Variants in NLGN1 observed in about 807,000 individuals in gnomAD.
NLGN1 encodes the protein neuroligin 1, also known as neuroligin-1.
NLGN1 carries 12 observed loss-of-function variants against 65.5 expected under a neutral mutation model. The observed-to-expected ratio is 0.18, with a 90% CI of 0.12 to 0.30. The LOEUF (loss-of-function observed/expected upper bound fraction) is 0.30, where lower values mean the gene tolerates loss of function less well. NLGN1 is among the 10% of genes least tolerant of loss of function. NLGN1 has a pLI of 1.00. For missense variants in NLGN1, 750 were observed against 1,007.1 expected (o/e 0.74, Z 3.46); for synonymous variants, 350 against 359.5 (o/e 0.97, Z 0.30).
intron 4 of NLGN1, among the ~76,000 whole-genome samples, chr3:174,156,259 A>T (rs1475065953): frequency 2.0e-5 from 3 of 151,932 alleles, no homozygotes; most frequent in Non-Finnish European, 1.5e-5. Flanking sequence ...ATACTATAGT[A>T]AATGTTTTTA....
intron 2 of NLGN1, among the ~76,000 whole-genome samples, chr3:173,556,048 T>C (rs1741654435): frequency 6.6e-6 from 1 of 152,218 alleles, no homozygotes; most frequent in Non-Finnish European, 1.5e-5. Context: ...TATTAACAGT[T>C]TGTCTGCTTC....
At chr3:174,167,350 T>C (rs1727686472) in intron 4 of NLGN1, among the ~76,000 whole-genome samples, 1 of 152,166 alleles carries the variant, frequency 6.6e-6, no homozygotes, top group South Asian at 2.1e-4. Flanking sequence ...TTTGTATGTT[T>C]AGAACCCCCT....
intron 2 of NLGN1, among the ~76,000 whole-genome samples, chr3:173,570,243 A>G (rs1744427152): frequency 6.6e-6 from 1 of 152,314 alleles, no homozygotes; most frequent in Admixed American, 6.5e-5. Flanking sequence ...AGGGCATCCA[A>G]AAGGAAAGCC....
chr3:173,800,594 T>G (rs916294172), intron 3 of NLGN1, among the ~76,000 whole-genome samples: 1 of 151,794 alleles, frequency 6.6e-6, no homozygotes. Context: ...GGGGCATTTT[T>G]TTTTTGTTTT....
chr3:173,492,083 C>T (rs1280232394), intron 2 of NLGN1, among the ~76,000 whole-genome samples: 1 of 151,788 alleles, frequency 6.6e-6, no homozygotes, highest in Non-Finnish European at 1.5e-5. Context: ...ATTTACACCT[C>T]TGGGTTTACT....
chr3:173,553,369 T>C (rs1741198299), intron 2 of NLGN1, among the ~76,000 whole-genome samples: 1 of 152,362 alleles, frequency 6.6e-6, no homozygotes, highest in South Asian at 2.1e-4. Flanking sequence ...TTACTCTTTA[T>C]AGACCCAGAG....
chr3:173,448,979 G>C (rs1240615368), intron 2 of NLGN1, among the ~76,000 whole-genome samples: 1 of 152,008 alleles, frequency 6.6e-6, no homozygotes, highest in Non-Finnish European at 1.5e-5. Context: ...CTTGCCAGCG[G>C]TCTATCAATT....
intron 2 of NLGN1, among the ~76,000 whole-genome samples, chr3:173,435,951 T>G (rs1412602518): frequency 1.3e-5 from 2 of 152,224 alleles, no homozygotes; most frequent in Non-Finnish European, 2.9e-5. Flanking sequence ...AAATAATGGC[T>G]TTTGGGTCAG....
At chr3:173,982,920 A>G (rs1719083660) in intron 4 of NLGN1, among the ~76,000 whole-genome samples, 1 of 152,188 alleles carries the variant, frequency 6.6e-6, no homozygotes, top group Admixed American at 6.5e-5. Context: ...GGTACCAATC[A>G]TTAGACAAAT....
rs117936847 is a variant in NLGN1, at chr3:173,521,934, A to G, written c.-320-82345A>G. Among the ~76,000 whole-genome samples the G allele has an allele frequency of 5.6e-3, 849 of 152,310 alleles. 25 individuals are homozygous for G. In the South Asian group the frequency reaches 0.063, roughly 11 times the overall value. On this transcript the variant is annotated intron_variant, in intron 2 of 6. Coordinates refer to ENST00000457714, the Ensembl canonical transcript of NLGN1. ...CAATACATTCTATGCATTTTCTTAA[A>G]TTAAATTACATTTTATATTCAGGGG...
chr3:173,522,832 G>A (rs1279819892), intron 2 of NLGN1, among the ~76,000 whole-genome samples: 1 of 152,086 alleles, frequency 6.6e-6, no homozygotes, highest in Non-Finnish European at 1.5e-5. Context: ...TTAGTCCTTT[G>A]AGAGCTCTCC....
chr3:173,724,850 G>A (rs1205700612), intron 3 of NLGN1, among the ~76,000 whole-genome samples: 1 of 152,140 alleles, frequency 6.6e-6, no homozygotes, highest in Non-Finnish European at 1.5e-5. Context: ...ATACTATGCA[G>A]CCATAAAAAT....
intron 4 of NLGN1, among the ~76,000 whole-genome samples, chr3:174,144,075 C>A (rs1166528148): frequency 1.3e-5 from 2 of 152,086 alleles, no homozygotes; most frequent in Non-Finnish European, 2.9e-5. Context: ...AGCCTCCCAC[C>A]CTCTGACATG....
At chr3:173,436,983 T>A (rs948000011) in intron 2 of NLGN1, among the ~76,000 whole-genome samples, 1 of 152,236 alleles carries the variant, frequency 6.6e-6, no homozygotes. Flanking sequence ...TTTATTTTTC[T>A]TCACCCTGTC....
At chr3:173,805,152 A>G (rs931459304) in intron 3 of NLGN1, among the ~76,000 whole-genome samples, 8 of 152,232 alleles carry the variant, frequency 5.3e-5, no homozygotes, top group Non-Finnish European at 1.0e-4. Flanking sequence ...AAACTTTGTT[A>G]ACAATATTAA....
At chr3:174,002,749 GA>G (rs552018383) in intron 4 of NLGN1, among the ~76,000 whole-genome samples, 227 of 151,134 alleles carry the variant, frequency 1.5e-3, no homozygotes, top group Middle Eastern at 6.8e-3. Context: ...CCCCCTGGGG[GA>G]AAAAAAAATG....
intron 4 of NLGN1, among the ~76,000 whole-genome samples, chr3:174,187,368 T>G (rs897494528): frequency 3.3e-5 from 5 of 152,004 alleles, no homozygotes; most frequent in African/African-American, 1.2e-4. Context: ...GATTATTGAC[T>G]TATAATCTGG....
At chr3:173,421,087 A>G (rs1714951792) in intron 1 of NLGN1, among the ~76,000 whole-genome samples, 1 of 152,130 alleles carries the variant, frequency 6.6e-6, no homozygotes. Context: ...AAATAATAAT[A>G]CAATTGTTAT....
intron 4 of NLGN1, among the ~76,000 whole-genome samples, chr3:174,257,575 G>A (rs1746029798): frequency 6.6e-6 from 1 of 152,110 alleles, no homozygotes; most frequent in Non-Finnish European, 1.5e-5. Flanking sequence ...ATACTATGCA[G>A]CCAATAAAAG....
Sources: allele counts gnomAD v4.1 joint callset (sites outside exome capture counted in the v4.1 genomes callset), GRCh38; gene constraint gnomAD v4.1.1; transcripts MANE v1.5; gene names NCBI Gene and HGNC (gene_info 2026-07-23, HGNC 2026-07-21).